VWA8: variants seen among roughly 807,000 people sequenced by gnomAD.
VWA8 encodes the protein von Willebrand factor A domain containing 8.
In VWA8, 221 loss-of-function variants were observed where a neutral mutation model predicts 241.5. The ratio of observed to expected loss-of-function variants is 0.91; its 90% confidence interval spans 0.82 to 1.02. The LOEUF is 1.02. Among genes scored for constraint, VWA8 ranks in the 50% least tolerant of loss-of-function variants. VWA8 has a pLI of 0.00. For missense variants in VWA8, 2,322 were observed against 2,328.7 expected, an observed-to-expected ratio of 1.00 and a Z score of 0.06; for synonymous variants, 852 against 827.1, an observed-to-expected ratio of 1.03 and a Z score of -0.52.
intron 2 of VWA8, among the ~76,000 whole-genome samples, chr13:41,930,064 G>C (rs993499234): frequency 6.6e-6 from 1 of 152,058 alleles, no homozygotes; most frequent in African/African-American, 2.4e-5. Flanking sequence ...TTTAAAAATG[G>C]GCAAAGGATT....
intron 17 of VWA8, among the ~76,000 whole-genome samples, chr13:41,803,154 C>T (rs967488271): frequency 1.3e-5 from 2 of 152,212 alleles, no homozygotes; most frequent in African/African-American, 4.8e-5. Context: ...AGAATTAGAT[C>T]ACACACTCAA....
chr13:41,635,400 G>A (rs1472585797), intron 37 of VWA8, among the ~76,000 whole-genome samples: 5 of 152,128 alleles, frequency 3.3e-5, no homozygotes, highest in Non-Finnish European at 1.5e-5. Flanking sequence ...AGTTGAAAGT[G>A]TTTGCATCTG....
Position 41,689,391 on chromosome 13 carries a change from T to C in VWA8, c.4094A>G (p.Asn1365Ser), listed in dbSNP as rs746158873. 1.2e-6 allele frequency: 2 copies of C among 1,611,714 alleles called. No individual in the cohort carries two copies. Among genetic ancestry groups the C allele is most frequent in the South Asian group, 2.2e-5 (2 of 90,858 alleles). ...AAAACCAACAACTATTGTAGCATAA[T>C]TTTTCTCATCTGAGAGAATTCTGTT... ...SPNRILSDEK[N>S]YATIVVGFPD... is the part of the protein sequence containing the mutation. Residue 1365 changes from asparagine to serine, a missense_variant, in exon 34 of 45, where the codon AAT becomes AGT. Asn to Ser is a conservative substitution (Grantham distance 46). Transcript: ENST00000379310.
intron 42 of VWA8, among the ~76,000 whole-genome samples, chr13:41,577,649 T>C (rs111586612): frequency 1.1e-4 from 17 of 152,336 alleles, no homozygotes; most frequent in African/African-American, 4.1e-4. Context: ...GGGAAAGTTC[T>C]CCTGAGAAAG....
At position 41,901,890 on chromosome 13, in the gene VWA8, ATAT is replaced by A. The variant is rs1297127879; in HGVS notation, c.483+5693_483+5695del. Among the ~76,000 whole-genome samples, 394 of 72,472 alleles carry A rather than the reference ATAT, an allele frequency of 5.4e-3. 2 individuals carry two copies. Among genetic ancestry groups the A allele is most frequent in the Middle Eastern group, 7.7e-3 (1 of 130 alleles). The allele number at this position is 72,472 out of a possible 152,430, so 47.5% of individuals were successfully genotyped here. On this transcript the variant is annotated intron_variant, in intron 4 of 44. Transcript: ENST00000379310. Reference sequence around the variant, plus strand: ...CAAAAAAAAAAAAAAAAAAAAAAAAATATATATATATATATATATATATACACA... The same window carrying A: ...CAAAAAAAAAAAAAAAAAAAAAAAAAATATATATATATATATATATACACA...
At chr13:41,574,962 C>G (rs770344881) in intron 43 of VWA8, among the ~76,000 whole-genome samples, 9 of 152,134 alleles carry the variant, frequency 5.9e-5, no homozygotes, top group Non-Finnish European at 5.9e-5. Context: ...ACAACATGCA[C>G]ACACGTTTAT....
At chr13:41,831,379 G>A (rs1401929216) in intron 13 of VWA8, among the ~76,000 whole-genome samples, 1 of 152,194 alleles carries the variant, frequency 6.6e-6, no homozygotes, top group Non-Finnish European at 1.5e-5. Context: ...AGTGGGGAGA[G>A]GGAGAACGAC....
At chr13:41,685,685 T>G (rs2045131809) in intron 34 of VWA8, among the ~76,000 whole-genome samples, 1 of 152,092 alleles carries the variant, frequency 6.6e-6, no homozygotes, top group East Asian at 1.9e-4. Flanking sequence ...TACCTTGAAA[T>G]CAATTACAAC....
At chr13:41,833,883 T>C (rs557180969) in intron 12 of VWA8, among the ~76,000 whole-genome samples, 1 of 152,338 alleles carries the variant, frequency 6.6e-6, no homozygotes, top group South Asian at 2.1e-4. Flanking sequence ...TCCTGTGTTT[T>C]CATATGCCAA....
chr13:41,657,986 A>C (rs2044921224), intron 37 of VWA8, among the ~76,000 whole-genome samples: 1 of 152,252 alleles, frequency 6.6e-6, no homozygotes, highest in Admixed American at 6.5e-5. Flanking sequence ...TAAAGGTTAA[A>C]ATAGATTTGG....
At position 41,573,486 on chromosome 13, in the gene VWA8, A is replaced by ATATATATATAT. The variant is rs1555303592; in HGVS notation, c.5370+2253_5370+2254insATATATATATA. Among the ~76,000 whole-genome samples the ATATATATATAT allele has an allele frequency of 3.6e-4, 41 of 113,598 alleles. 1 individual carries two copies. Among genetic ancestry groups the ATATATATATAT allele is most frequent in the East Asian group, 2.1e-3 (8 of 3,788 alleles). 74.5% of individuals were successfully genotyped at this position (113,598 alleles called of 152,430 possible). ...GGTGGCTATAGTTTAAAAAAAAAAA[A>ATATATATATAT]ATATATATATATATATATATACCTC... On this transcript the variant is annotated intron_variant, in intron 43 of 44. Transcript: ENST00000379310.
intron 37 of VWA8, among the ~76,000 whole-genome samples, chr13:41,630,225 A>C (rs1242655519): frequency 2.0e-5 from 3 of 151,408 alleles, no homozygotes; most frequent in Non-Finnish European, 4.4e-5. Flanking sequence ...TTTGTCTTGC[A>C]GAAGTCCTGT....
chr13:41,952,748 T>C (rs1878190287), intron 1 of VWA8, among the ~76,000 whole-genome samples: 1 of 152,086 alleles, frequency 6.6e-6, no homozygotes, highest in Admixed American at 6.5e-5. Flanking sequence ...GCTGTCCATT[T>C]TTTTTTTAAA....
At chr13:41,614,791 A>G (rs781755773) in intron 38 of VWA8, among the ~76,000 whole-genome samples, 185 bp downstream of exon 38, 35 of 152,164 alleles carry the variant, frequency 2.3e-4, no homozygotes, top group Non-Finnish European at 5.0e-4. Flanking sequence ...GGGACTCCAA[A>G]TGCCAGGCTC....
At chr13:41,877,622 A>C (rs760843318) in intron 9 of VWA8, among the ~76,000 whole-genome samples, 10 of 152,106 alleles carry the variant, frequency 6.6e-5, no homozygotes, top group Non-Finnish European at 1.0e-4. Flanking sequence ...CTTAGAAAAA[A>C]ACTATGGCTC....
intron 19 of VWA8, among the ~76,000 whole-genome samples, chr13:41,780,390 A>G (rs528547684): frequency 5.7e-4 from 87 of 152,226 alleles, no homozygotes; most frequent in African/African-American, 2.1e-3. Context: ...AACTCAACTT[A>G]TTACTTTCTC....
intron 26 of VWA8, among the ~76,000 whole-genome samples, chr13:41,705,524 A>G (rs1228929751): frequency 6.6e-6 from 1 of 152,240 alleles, no homozygotes; most frequent in Non-Finnish European, 1.5e-5. Context: ...TAACAGAAGG[A>G]GATACACTTA....
chr13:41,803,031 A>G (rs1400614381), intron 17 of VWA8, among the ~76,000 whole-genome samples: 2 of 152,246 alleles, frequency 1.3e-5, no homozygotes, highest in Non-Finnish European at 2.9e-5. Context: ...TAGCAGTCCA[A>G]GGAATTCTCC....
intron 14 of VWA8, among the ~76,000 whole-genome samples, chr13:41,828,475 T>C (rs1315239545): frequency 1.3e-5 from 2 of 152,208 alleles, no homozygotes; most frequent in Non-Finnish European, 2.9e-5. Context: ...CTATATAGTA[T>C]GCAGCTGAAA....
Sources: allele counts gnomAD v4.1 joint callset (sites outside exome capture counted in the v4.1 genomes callset), GRCh38; gene constraint gnomAD v4.1.1; transcripts MANE v1.5; gene names NCBI Gene and HGNC (gene_info 2026-07-23, HGNC 2026-07-21).